Variants in ZRANB3 observed in about 807,000 individuals in gnomAD.
The protein encoded by ZRANB3 is zinc finger RANBP2-type containing 3.
In ZRANB3, 125 loss-of-function variants were observed where a neutral mutation model predicts 133.8. That is an observed-to-expected ratio of 0.93 (90% CI 0.81 to 1.08). The LOEUF (loss-of-function observed/expected upper bound fraction) is 1.08. Ranked by LOEUF, ZRANB3 falls within the 50% of genes least tolerant of loss-of-function variation. The pLI, the probability that ZRANB3 is intolerant of heterozygous loss-of-function variation, is 0.00. For synonymous variants in ZRANB3, 387 were observed against 432.7 expected, an observed-to-expected ratio of 0.89 and a Z score of 1.31; for missense variants, 1,229 against 1,275.5, an observed-to-expected ratio of 0.96 and a Z score of 0.56.
intron 15 of ZRANB3, among the ~76,000 whole-genome samples, chr2:135,220,555 G>A (rs1573696225): frequency 6.6e-6 from 1 of 151,628 alleles, no homozygotes; most frequent in East Asian, 2.0e-4. Context: ...AAAATTAGCT[G>A]GGCATGGTGG....
intron 12 of ZRANB3, among the ~76,000 whole-genome samples, chr2:135,264,119 A>G (rs1680103648): frequency 6.6e-6 from 1 of 151,742 alleles, no homozygotes; most frequent in Non-Finnish European, 1.5e-5. Context: ...GTGGGGAGGT[A>G]AATGTCTTCT....
chr2:135,237,065 A>C, intron 12 of ZRANB3, among the ~76,000 whole-genome samples: 1 of 152,224 alleles, frequency 6.6e-6, no homozygotes, highest in African/African-American at 2.4e-5. Flanking sequence ...AATATCCAGA[A>C]TCTACAATTA....
At chr2:135,243,415 A>G (rs1301819985) in intron 12 of ZRANB3, among the ~76,000 whole-genome samples, 3 of 152,212 alleles carry the variant, frequency 2.0e-5, no homozygotes, top group Admixed American at 6.5e-5. Context: ...CAGGAGGCTG[A>G]GGCAGGGAAC....
intron 3 of ZRANB3, among the ~76,000 whole-genome samples, chr2:135,386,016 T>A (rs1686953843): frequency 6.6e-6 from 1 of 152,144 alleles, no homozygotes; most frequent in South Asian, 2.1e-4. Flanking sequence ...GTAAAGATCC[T>A]CTGCAAGGCA....
At chr2:135,469,014 T>C (rs186201335) in intron 2 of ZRANB3, among the ~76,000 whole-genome samples, 24 of 152,260 alleles carry the variant, frequency 1.6e-4, no homozygotes, top group African/African-American at 5.1e-4. Context: ...AATAAAGATG[T>C]CACATAAATC....
chr2:135,441,853 A>G (rs1442690846), intron 2 of ZRANB3, among the ~76,000 whole-genome samples: 2 of 152,200 alleles, frequency 1.3e-5, no homozygotes, highest in African/African-American at 4.8e-5. Flanking sequence ...GTTTTAACAC[A>G]AAAGAATGGA....
chr2:135,428,274 C>A (rs1280296616), intron 2 of ZRANB3, among the ~76,000 whole-genome samples: 1 of 151,826 alleles, frequency 6.6e-6, no homozygotes, highest in African/African-American at 2.4e-5. Context: ...GAAACCTCAT[C>A]TATACTAAAA....
At chr2:135,388,563 C>A (rs377642655) in intron 3 of ZRANB3, among the ~76,000 whole-genome samples, 1 of 152,040 alleles carries the variant, frequency 6.6e-6, no homozygotes, top group East Asian at 1.9e-4. Flanking sequence ...CTCAGCTGGT[C>A]TGTTTGGAAA....
chr2:135,275,789 T>TA, intron 8 of ZRANB3, 34 bp from the exon 9 acceptor site: 1 of 1,431,456 alleles, frequency 7.0e-7, no homozygotes, highest in Non-Finnish European at 9.3e-7. Flanking sequence ...ATTAGTGTCA[T>TA]AAAAATGATT....
rs896003254 is a variant in ZRANB3, at chr2:135,375,350, C to A, written c.180+15452G>T. On this transcript the variant is annotated intron_variant, in intron 3 of 20. Coordinates refer to ENST00000264159, the MANE Select transcript of ZRANB3 (RefSeq NM_032143.4). ...GGTGGATCACCTGAGGTCGGGAGTT[C>A]GAGACCAGCCTGACCAACATGGGGA... Among the ~76,000 whole-genome samples, 27 of 151,794 alleles carry A rather than the reference C, an allele frequency of 1.8e-4. 1 individual carries two copies. The highest frequency in any genetic ancestry group is 6.5e-4 in the African/African-American group (27 of 41,316).
intron 1 of ZRANB3, among the ~76,000 whole-genome samples, chr2:135,524,271 G>A (rs545352118): frequency 2.6e-5 from 4 of 151,900 alleles, no homozygotes; most frequent in South Asian, 2.1e-4. Context: ...TAGTAGAGAC[G>A]GGGTTTCACC....
chr2:135,494,854 C>T (rs1692591486), intron 2 of ZRANB3, among the ~76,000 whole-genome samples: 1 of 152,108 alleles, frequency 6.6e-6, no homozygotes, highest in Non-Finnish European at 1.5e-5. Flanking sequence ...GTAAGTGATC[C>T]TGGATTAGAT....
chr2:135,375,064 C>A (rs1323513908), intron 3 of ZRANB3, among the ~76,000 whole-genome samples: 1 of 152,078 alleles, frequency 6.6e-6, no homozygotes, highest in Admixed American at 6.6e-5. Context: ...AGTGAGGATG[C>A]AGAGCAAGCG....
At chr2:135,259,894 C>A (rs1679867891) in intron 12 of ZRANB3, among the ~76,000 whole-genome samples, 1 of 151,710 alleles carries the variant, frequency 6.6e-6, no homozygotes, top group Admixed American at 6.6e-5. Context: ...TCTAGTGACT[C>A]AAATGGCTAG....
intron 6 of ZRANB3, among the ~76,000 whole-genome samples, chr2:135,336,888 T>C (rs947489387): frequency 1.3e-5 from 2 of 151,812 alleles, no homozygotes; most frequent in Non-Finnish European, 2.9e-5. Flanking sequence ...TCTGCAACAA[T>C]TACAATTAAG....
At chr2:135,264,201 G>A (rs1379457370) in intron 12 of ZRANB3, among the ~76,000 whole-genome samples, 3 of 151,446 alleles carry the variant, frequency 2.0e-5, no homozygotes, top group Admixed American at 6.6e-5. Context: ...GGCCGGGCGC[G>A]GTGGCTCAAG....
chr2:135,233,489 C>A (rs555233460), intron 12 of ZRANB3, among the ~76,000 whole-genome samples: 1 of 152,226 alleles, frequency 6.6e-6, no homozygotes, highest in East Asian at 1.9e-4. Flanking sequence ...GACATACAAT[C>A]GTCAGATTCA....
Position 135,470,523 on chromosome 2 carries a change from T to TA in ZRANB3, c.161+33805dup, listed in dbSNP as rs572152996. On this transcript the variant is annotated intron_variant, in intron 2 of 20. Coordinates refer to ENST00000264159, the MANE Select transcript of ZRANB3 (RefSeq NM_032143.4). ...CAATATAGTGAAATCCCATCTCTAC[T>TA]AAAAAATACAAAAATTAGCTGGGAG... is the stretch of plus-strand genomic sequence containing the variant. Among the ~76,000 whole-genome samples, 106 of 151,382 alleles carry TA rather than the reference T, an allele frequency of 7.0e-4. 1 individual carries two copies. The South Asian group carries it at 0.01, about 15-fold the overall frequency.
intron 11 of ZRANB3, 74 bp downstream of exon 11, chr2:135,268,888 C>T: frequency 1.4e-6 from 2 of 1,416,472 alleles, no homozygotes; most frequent in South Asian, 2.8e-5. Context: ...AACACTAAAA[C>T]TCAGCCTCTT....
Sources: allele counts gnomAD v4.1 joint callset (sites outside exome capture counted in the v4.1 genomes callset), GRCh38; gene constraint gnomAD v4.1.1; transcripts MANE v1.5; gene names NCBI Gene and HGNC (gene_info 2026-07-23, HGNC 2026-07-21).